CDH8: variants seen among roughly 807,000 people sequenced by gnomAD.
The protein encoded by CDH8 is cadherin-8.
In CDH8, 17 loss-of-function variants were observed where a neutral mutation model predicts 68.1. The ratio of observed to expected loss-of-function variants is 0.25; its 90% CI spans 0.17 to 0.37. The LOEUF is 0.37. Among genes scored for constraint, CDH8 ranks in the 10% least tolerant of loss-of-function variants. CDH8 has a pLI of 1.00. For synonymous variants in CDH8, 372 were observed against 365.1 expected, an observed-to-expected ratio of 1.02 and a Z score of -0.21; for missense variants, 763 against 999.3, an observed-to-expected ratio of 0.76 and a Z score of 3.19.
chr16:61,782,374 T>C (rs1961091374), intron 8 of CDH8, among the ~76,000 whole-genome samples: 1 of 152,018 alleles, frequency 6.6e-6, no homozygotes, highest in African/African-American at 2.4e-5. Flanking sequence ...TATTGCGCTT[T>C]TCAGACCGGC....
chr16:61,930,642 T>C (rs1964527534), intron 2 of CDH8, among the ~76,000 whole-genome samples: 1 of 152,226 alleles, frequency 6.6e-6, no homozygotes, highest in African/African-American at 2.4e-5. Flanking sequence ...GCTTAGAATA[T>C]GTGTTAAGAA....
chr16:61,932,520 G>A (rs1311068308), intron 2 of CDH8, among the ~76,000 whole-genome samples: 5 of 151,960 alleles, frequency 3.3e-5, no homozygotes, highest in South Asian at 2.1e-4. Flanking sequence ...TACCACTCCC[G>A]TATAGTGACC....
chr16:61,953,928 A>ATATATATATATATATAT (rs1964941106), intron 2 of CDH8, among the ~76,000 whole-genome samples: 1 of 123,830 alleles, frequency 8.1e-6, no homozygotes, highest in African/African-American at 3.8e-5. Context: ...TATATATATA[A>ATATATATATATATATAT]AATACCTTAA....
At chr16:61,740,582 C>G (rs1182130787) in intron 8 of CDH8, among the ~76,000 whole-genome samples, 5 of 152,110 alleles carry the variant, frequency 3.3e-5, no homozygotes, top group Non-Finnish European at 5.9e-5. Flanking sequence ...TCAAGATAAC[C>G]TCTACTTGGT....
In CDH8 at chr16:61,652,273, A is replaced by T; in HGVS notation, c.*1335T>A. 1.0e-6 allele frequency: 1 copy of T among 985,136 alleles called. No homozygotes were observed. The highest frequency in any genetic ancestry group is 1.2e-6 in the Non-Finnish European group (1 of 829,708). The allele number at this position is 985,136 out of a possible 1,614,324, so 61.0% of individuals were successfully genotyped here. A position where few individuals can be genotyped will look rare whatever the true frequency, so the allele number is the denominator to read the frequency against. On this transcript the variant is annotated 3_prime_UTR_variant, in exon 12 of 12. Coordinates refer to ENST00000577390, the MANE Select transcript of CDH8 (RefSeq NM_001796.5). ...CATCACCATGAAGATCAGGGATAGG[A>T]GTGCTAAAAACGTAAACAGTGAAAT...
intron 3 of CDH8, among the ~76,000 whole-genome samples, chr16:61,891,077 T>TA (rs1567516243): frequency 5.3e-5 from 8 of 151,812 alleles, no homozygotes; most frequent in South Asian, 4.1e-4. Flanking sequence ...ATATATATAT[T>TA]TTATACATAT....
chr16:61,978,602 C>G (rs1225612544), intron 2 of CDH8, among the ~76,000 whole-genome samples: 1 of 151,996 alleles, frequency 6.6e-6, no homozygotes, highest in African/African-American at 2.4e-5. Flanking sequence ...TATTGCATGT[C>G]AGGTTCTAAA....
chr16:61,867,213 T>C (rs753302731), intron 3 of CDH8, among the ~76,000 whole-genome samples: 2 of 152,124 alleles, frequency 1.3e-5, no homozygotes, highest in Non-Finnish European at 2.9e-5. Flanking sequence ...AAATATAATA[T>C]CCTATACATG....
chr16:61,887,562 CTT>C (rs954455154), intron 3 of CDH8, among the ~76,000 whole-genome samples: 1 of 152,152 alleles, frequency 6.6e-6, no homozygotes, highest in African/African-American at 2.4e-5. Context: ...CCTGATGTCT[CTT>C]TGTGTGTCCG....
At chr16:61,874,269 T>C (rs897866874) in intron 3 of CDH8, among the ~76,000 whole-genome samples, 2 of 152,180 alleles carry the variant, frequency 1.3e-5, no homozygotes, top group East Asian at 1.9e-4. Context: ...GGCTGAGCTA[T>C]GATGTTAGGT....
At chr16:61,744,549 T>G (rs1042184426) in intron 8 of CDH8, among the ~76,000 whole-genome samples, 11 of 152,098 alleles carry the variant, frequency 7.2e-5, no homozygotes, top group Admixed American at 1.3e-4. Flanking sequence ...TTATCTAATA[T>G]TAAAGTATGT....
intron 8 of CDH8, among the ~76,000 whole-genome samples, chr16:61,745,297 T>C (rs62050483): frequency 0.31 from 46,480 of 151,604 alleles, 7,688 homozygotes; most frequent in Middle Eastern, 0.46. Context: ...TCATTGTCTT[T>C]ATTTTTAGCA....
At chr16:61,870,597 G>C (rs1963337583) in intron 3 of CDH8, among the ~76,000 whole-genome samples, 1 of 152,144 alleles carries the variant, frequency 6.6e-6, no homozygotes, top group South Asian at 2.1e-4. Context: ...TTCCCCAAAA[G>C]TAGTATGTTA....
At chr16:61,666,099 A>G (rs1284089904) in intron 10 of CDH8, among the ~76,000 whole-genome samples, 2 of 151,782 alleles carry the variant, frequency 1.3e-5, no homozygotes, top group Non-Finnish European at 2.9e-5. Flanking sequence ...TTTCCGGCAT[A>G]TCCATGCTGT....
rs1019136315 is a variant in CDH8, at chr16:61,733,105, T to G, written c.1415-5890A>C. On this transcript the variant is annotated intron_variant, in intron 8 of 11. Coordinates refer to ENST00000577390, the MANE Select transcript of CDH8 (RefSeq NM_001796.5). ...GGGTTTATAATGTATATGTATAAGA[T>G]GTACATCAGTGATATCACAAAATAG... 2.2e-4 allele frequency among the ~76,000 whole-genome samples: 33 copies of G among 151,832 alleles called. 2 individuals are homozygous for G. The South Asian group carries it at 3.7e-3, about 17-fold the overall frequency.
At chr16:61,781,450 A>C (rs748721991) in intron 8 of CDH8, among the ~76,000 whole-genome samples, 55 of 152,126 alleles carry the variant, frequency 3.6e-4, no homozygotes, top group Middle Eastern at 3.4e-3. Flanking sequence ...AAAACCAAAA[A>C]CAAAAACAAA....
intron 7 of CDH8, among the ~76,000 whole-genome samples, chr16:61,807,498 A>C (rs1961820871): frequency 6.6e-6 from 1 of 151,570 alleles, no homozygotes; most frequent in African/African-American, 2.4e-5. Context: ...AAAACAAAAA[A>C]CAAAAACAAA....
chr16:61,679,943 T>C (rs1963982814), intron 10 of CDH8, among the ~76,000 whole-genome samples: 1 of 152,008 alleles, frequency 6.6e-6, no homozygotes, highest in African/African-American at 2.4e-5. Flanking sequence ...GATATCCTTC[T>C]CCAAATATCA....
chr16:61,959,984 G>GTATATATATA (rs1181394965), intron 2 of CDH8, among the ~76,000 whole-genome samples: 4,208 of 44,296 alleles, frequency 0.095, 564 homozygotes, highest in Non-Finnish European at 0.12. Context: ...GTGTGTGTGT[G>GTATATATATA]TATATATATA....
Sources: allele counts gnomAD v4.1 joint callset (sites outside exome capture counted in the v4.1 genomes callset), GRCh38; gene constraint gnomAD v4.1.1; transcripts MANE v1.5; gene names NCBI Gene and HGNC (gene_info 2026-07-23, HGNC 2026-07-21).